Variants in SCFD2 observed in about 807,000 individuals in gnomAD.
SCFD2 encodes the protein sec1 family domain-containing protein 2.
A neutral mutation model predicts 58.9 loss-of-function variants in SCFD2; 54 were observed. The observed-to-expected ratio is 0.92, with a 90% CI of 0.74 to 1.15. SCFD2 has a LOEUF of 1.15. SCFD2 is among the 50% of genes most tolerant of loss of function. The pLI is 0.00. For synonymous variants in SCFD2, 321 were observed against 335.9 expected (o/e 0.96, Z 0.49); for missense variants, 805 against 836.6 (o/e 0.96, Z 0.47).
At chr4:53,282,604 G>A (rs1365739390) in intron 3 of SCFD2, among the ~76,000 whole-genome samples, 1 of 151,732 alleles carries the variant, frequency 6.6e-6, no homozygotes, top group African/African-American at 2.4e-5. Context: ...ATTTTTATTA[G>A]CCTAAAAAGA....
At chr4:52,927,217 T>G (rs1342177284) in intron 5 of SCFD2, among the ~76,000 whole-genome samples, 1 of 152,208 alleles carries the variant, frequency 6.6e-6, no homozygotes, top group East Asian at 1.9e-4. Flanking sequence ...CACCTCCATA[T>G]GTATAAGTAC....
At chr4:53,132,258 G>C (rs771151157) in intron 5 of SCFD2, among the ~76,000 whole-genome samples, 4 of 152,156 alleles carry the variant, frequency 2.6e-5, no homozygotes, top group Admixed American at 6.5e-5. Flanking sequence ...TGTGCTATGG[G>C]TAACTATTTT....
intron 5 of SCFD2, among the ~76,000 whole-genome samples, chr4:53,026,561 G>C (rs1214174723): frequency 6.6e-6 from 1 of 152,182 alleles, no homozygotes; most frequent in Non-Finnish European, 1.5e-5. Context: ...TTGAAGATTA[G>C]CATTTTCAGG....
At chr4:53,332,247 T>C (rs1319295052) in intron 2 of SCFD2, among the ~76,000 whole-genome samples, 1 of 151,510 alleles carries the variant, frequency 6.6e-6, no homozygotes, top group Non-Finnish European at 1.5e-5. Flanking sequence ...ACTCATTTTA[T>C]GAGGCCAGCA....
rs537872861 is a variant in SCFD2, at chr4:53,005,671, C to T, written c.1562-84801G>A. 2.0e-5 allele frequency among the ~76,000 whole-genome samples: 3 copies of T among 152,150 alleles called. No homozygotes were observed. In the South Asian group the frequency reaches 6.2e-4, roughly 32 times the overall value. ...TTTGGCCCCTTAAAGAAGGGTCAAG[C>T]TATAATAAGATGGAACAATAAAACA... On this transcript the variant is annotated intron_variant, in intron 5 of 8. Coordinates refer to ENST00000401642, the MANE Select transcript of SCFD2 (RefSeq NM_152540.4).
At chr4:53,175,672 T>C (rs1265007407) in intron 4 of SCFD2, among the ~76,000 whole-genome samples, 1 of 152,192 alleles carries the variant, frequency 6.6e-6, no homozygotes, top group Admixed American at 6.5e-5. Context: ...TAAAATTGTC[T>C]CCATGAATAA....
chr4:52,966,687 T>A (rs1019330284), intron 5 of SCFD2, among the ~76,000 whole-genome samples: 1 of 152,234 alleles, frequency 6.6e-6, no homozygotes, highest in Non-Finnish European at 1.5e-5. Flanking sequence ...TTATATAATT[T>A]ATTGCTATCT....
intron 4 of SCFD2, among the ~76,000 whole-genome samples, chr4:53,201,413 C>A (rs1273046395): frequency 6.6e-6 from 1 of 152,132 alleles, no homozygotes; most frequent in Non-Finnish European, 1.5e-5. Flanking sequence ...TTTTCTTAAT[C>A]CAGTCTATCA....
chr4:52,880,574 G>A (rs1424781897), intron 8 of SCFD2, among the ~76,000 whole-genome samples: 1 of 147,494 alleles, frequency 6.8e-6, no homozygotes, highest in Non-Finnish European at 1.5e-5. Context: ...CTGAGATCAT[G>A]CCACTGCCCT....
chr4:52,903,201 G>A (rs1224424035), intron 7 of SCFD2, among the ~76,000 whole-genome samples: 1 of 152,218 alleles, frequency 6.6e-6, no homozygotes, highest in Non-Finnish European at 1.5e-5. Context: ...GAAAGGAGAA[G>A]AGAGCATCAG....
At chr4:53,314,203 C>T (rs371856542) in intron 2 of SCFD2, among the ~76,000 whole-genome samples, 2 of 152,188 alleles carry the variant, frequency 1.3e-5, no homozygotes, top group Non-Finnish European at 2.9e-5. Context: ...ACAAAGCAAT[C>T]AGCAATGAGC....
At position 53,050,224 on chromosome 4, in the gene SCFD2, C is replaced by A. The variant is rs117007268; in HGVS notation, c.1561+95109G>T. On this transcript the variant is annotated intron_variant, in intron 5 of 8. Coordinates refer to ENST00000401642, the MANE Select transcript of SCFD2 (RefSeq NM_152540.4). ...AGTACTTAAGAGAAGCAAGATCTTACCAGGATATCTTATTCCCCCAATAAT... is the reference window on the plus strand; with the variant it reads ...AGTACTTAAGAGAAGCAAGATCTTAACAGGATATCTTATTCCCCCAATAAT... Among the ~76,000 whole-genome samples, 34 of 152,214 alleles carry A rather than the reference C, an allele frequency of 2.2e-4. No individual in the cohort carries two copies. In the East Asian group the frequency reaches 6.2e-3, roughly 28 times the overall value.
chr4:53,303,526 T>C (rs910468663), intron 3 of SCFD2, among the ~76,000 whole-genome samples: 2 of 152,150 alleles, frequency 1.3e-5, no homozygotes, highest in Non-Finnish European at 2.9e-5. Context: ...AGTGCAACCA[T>C]TGTGGAAGTC....
chr4:53,182,593 G>A (rs1368897396), intron 4 of SCFD2, among the ~76,000 whole-genome samples: 1 of 152,246 alleles, frequency 6.6e-6, no homozygotes, highest in Middle Eastern at 3.4e-3. Context: ...ATAGGCATGG[G>A]CAAGGACTTC....
chr4:53,089,078 A>T (rs1346542538), intron 5 of SCFD2, among the ~76,000 whole-genome samples: 2 of 152,130 alleles, frequency 1.3e-5, no homozygotes, highest in Non-Finnish European at 2.9e-5. Flanking sequence ...CCAGACACCA[A>T]ATCTGCTGGC....
At chr4:53,048,156 G>C (rs1279515073) in intron 5 of SCFD2, among the ~76,000 whole-genome samples, 1 of 152,190 alleles carries the variant, frequency 6.6e-6, no homozygotes, top group African/African-American at 2.4e-5. Flanking sequence ...TTCAAGACCA[G>C]CCTAGTCAAC....
chr4:52,940,597 A>G (rs1720267740), intron 5 of SCFD2, among the ~76,000 whole-genome samples: 1 of 152,194 alleles, frequency 6.6e-6, no homozygotes, highest in Admixed American at 6.5e-5. Context: ...AGCTAGAAAG[A>G]GGAATGTAGC....
intron 5 of SCFD2, among the ~76,000 whole-genome samples, chr4:53,023,449 G>T (rs1365409039): frequency 6.6e-6 from 1 of 152,050 alleles, no homozygotes; most frequent in Non-Finnish European, 1.5e-5. Flanking sequence ...GAATTCAGGA[G>T]GCTTAGCCCC....
intron 5 of SCFD2, among the ~76,000 whole-genome samples, chr4:52,996,552 T>C (rs1392109913): frequency 6.6e-6 from 1 of 152,188 alleles, no homozygotes; most frequent in African/African-American, 2.4e-5. Flanking sequence ...CCCTTCCCCT[T>C]CTGAGAAATA....
Sources: gnomAD v4.1 joint callset for allele counts (sites outside exome capture counted in the v4.1 genomes callset) on GRCh38, gnomAD v4.1.1 for gene constraint, MANE v1.5 for transcripts, NCBI Gene and HGNC (gene_info 2026-07-23, HGNC 2026-07-21) for gene names.